Variants in ZNF280D observed in about 807,000 individuals in gnomAD.
ZNF280D encodes suppressor of hairy wing homolog 4.
Under a neutral mutation model 94.7 loss-of-function variants are expected in ZNF280D, and 39 were observed. The observed-to-expected ratio is 0.41, with a 90% CI of 0.32 to 0.54. The LOEUF (loss-of-function observed/expected upper bound fraction) is 0.54, where lower values mean the gene tolerates loss of function less well. Among genes scored for constraint, ZNF280D ranks in the 20% least tolerant of loss-of-function variants. ZNF280D has a pLI of 0.22. For synonymous variants in ZNF280D, 398 were observed against 377.6 expected (o/e 1.05, Z -0.63); for missense variants, 1,090 against 1,149.3 (o/e 0.95, Z 0.75).
At chr15:56,709,855 T>C (rs367901149) in intron 1 of ZNF280D, among the ~76,000 whole-genome samples, 2 of 151,988 alleles carry the variant, frequency 1.3e-5, no homozygotes, top group Non-Finnish European at 2.9e-5. Context: ...CCGGGGCCTG[T>C]CGTTGGGTGG....
intron 19 of ZNF280D, chr15:56,652,521 G>A (rs1327035196): frequency 1.9e-6 from 1 of 513,046 alleles, no homozygotes; most frequent in Non-Finnish European, 2.5e-6. Flanking sequence ...AAGGATAATA[G>A]TATAAAAAGT....
intron 2 of ZNF280D, 23 bp downstream of exon 2, chr15:56,707,240 G>T: frequency 6.4e-7 from 1 of 1,569,368 alleles, no homozygotes. Context: ...ATTATTGGAT[G>T]TAAGGTTAAC....
intron 20 of ZNF280D, among the ~76,000 whole-genome samples, chr15:56,637,414 C>G (rs368297822): frequency 6.6e-6 from 1 of 151,892 alleles, no homozygotes; most frequent in Non-Finnish European, 1.5e-5. Flanking sequence ...CTCCCAGCCT[C>G]AAGGGATCCT....
chr15:56,655,238 C>T (rs775959167), intron 17 of ZNF280D, among the ~76,000 whole-genome samples: 4 of 152,212 alleles, frequency 2.6e-5, no homozygotes, highest in Non-Finnish European at 5.9e-5. Context: ...TAGGGAGTCT[C>T]ACTCTGTCAC....
At chr15:56,666,321 T>C in intron 16 of ZNF280D, 74 bp downstream of exon 16, 6 of 1,533,082 alleles carry the variant, frequency 3.9e-6, no homozygotes, top group Non-Finnish European at 4.4e-6. Flanking sequence ...TCTAATAGGA[T>C]AACTTTGTTT....
chr15:56,641,184 A>G (rs994579263), intron 20 of ZNF280D, among the ~76,000 whole-genome samples: 1 of 151,998 alleles, frequency 6.6e-6, no homozygotes, highest in Non-Finnish European at 1.5e-5. Flanking sequence ...AAGAATATGC[A>G]TATCTCTTGC....
intron 17 of ZNF280D, 96 bp downstream of exon 17, chr15:56,658,328 T>C: frequency 3.7e-6 from 3 of 803,984 alleles, no homozygotes; most frequent in Non-Finnish European, 6.1e-6. Context: ...AATTGTATGG[T>C]ATGCTAATTC....
At position 56,662,715 on chromosome 15, in the gene ZNF280D, T is replaced by C. The variant is rs558469993; in HGVS notation, c.1994+3680A>G. The stretch of plus-strand genomic sequence containing the variant: ...TGGCGGCACCTGTAATCACAGCTAC[T>C]TGGGAGGCTGAGGCAGGAGAATTGC... On this transcript the variant is annotated intron_variant, in intron 16 of 21. Transcript: ENST00000267807. Among the ~76,000 whole-genome samples the C allele has an allele frequency of 5.3e-5, 8 of 151,498 alleles. No homozygotes were observed. The East Asian group carries it at 1.6e-3, about 29-fold the overall frequency.
At chr15:56,657,500 G>A (rs1290626523) in intron 17 of ZNF280D, among the ~76,000 whole-genome samples, 1 of 151,968 alleles carries the variant, frequency 6.6e-6, no homozygotes, top group Non-Finnish European at 1.5e-5. Context: ...GGTTTCCTCT[G>A]GACACCACCT....
chr15:56,730,219 ATCAAG>A (rs1365492932), intron 1 of ZNF280D: 2 of 152,206 alleles, frequency 1.3e-5, no homozygotes, highest in Admixed American at 6.5e-5. Flanking sequence ...CACTGATTAA[ATCAAG>A]TCATTATTTA....
intron 1 of ZNF280D, among the ~76,000 whole-genome samples, chr15:56,726,673 G>A (rs2058645024): frequency 6.6e-6 from 1 of 152,118 alleles, no homozygotes; most frequent in Non-Finnish European, 1.5e-5. Flanking sequence ...TAATACAACA[G>A]TGAAATAAAT....
chr15:56,677,331 G>A (rs1442636928), intron 12 of ZNF280D, among the ~76,000 whole-genome samples: 3 of 152,102 alleles, frequency 2.0e-5, no homozygotes, highest in Non-Finnish European at 2.9e-5. Flanking sequence ...TCTTCCCTAT[G>A]TAGCACAGTA....
intron 21 of ZNF280D, among the ~76,000 whole-genome samples, chr15:56,634,581 A>G (rs1485956078): frequency 6.6e-6 from 1 of 152,168 alleles, no homozygotes; most frequent in Non-Finnish European, 1.5e-5. Flanking sequence ...GGCAACCTAC[A>G]GTAAAATATA....
chr15:56,706,984 GT>G (rs2057443801), intron 3 of ZNF280D, 97 bp downstream of exon 3: 20 of 1,217,032 alleles, frequency 1.6e-5, no homozygotes, highest in Non-Finnish European at 2.4e-5. Flanking sequence ...AAGCATTTTT[GT>G]TTTTTAAAAA....
chr15:56,660,081 TGG>T, intron 16 of ZNF280D, among the ~76,000 whole-genome samples: 1 of 152,022 alleles, frequency 6.6e-6, no homozygotes, highest in African/African-American at 2.4e-5. Flanking sequence ...AAATTTAAGA[TGG>T]TATCACAAAA....
rs2052086731 is a variant in ZNF280D at position 56,631,787 on chromosome 15, A to C, written c.2651T>G (p.Leu884Trp). ...ARFSSKNIKD[L>W]RLASDNVSID... Reference sequence around the variant, plus strand: ...GCTTACATTATCTGATGCTAATCGCAAATCCTTAATATTCTTTGAAGAAAA... The same window carrying C: ...GCTTACATTATCTGATGCTAATCGCCAATCCTTAATATTCTTTGAAGAAAA... The change falls in exon 22 of 22, where the codon TTG becomes TGG. Residue 884 changes from leucine (L) to tryptophan (W), a missense_variant. This residue lies in a region of ZNF280D where 577 missense variants were observed against 568.8 expected (regional missense o/e 1.01). Transcript: ENST00000267807. The C allele has an allele frequency of 6.2e-7, 1 of 1,614,136 alleles. No individual in the cohort carries two copies. The highest frequency in any genetic ancestry group is 8.5e-7 in the Non-Finnish European group (1 of 1,180,006).
chr15:56,714,044 A>G (rs1567027971), intron 1 of ZNF280D, among the ~76,000 whole-genome samples: 2 of 152,200 alleles, frequency 1.3e-5, no homozygotes, highest in East Asian at 1.9e-4. Flanking sequence ...TTAGCTTACT[A>G]TATTTTTTAT....
At chr15:56,672,945 G>T (rs2054967933) in intron 13 of ZNF280D, among the ~76,000 whole-genome samples, 1 of 151,600 alleles carries the variant, frequency 6.6e-6, no homozygotes, top group South Asian at 2.1e-4. Context: ...AGGCTCTTAA[G>T]ACTATTTTAC....
Position 56,704,183 on chromosome 15 carries a change from T to A in ZNF280D, c.113A>T (p.Asp38Val), listed in dbSNP as rs752786996. Residue 38 changes from aspartate (D) to valine (V), a missense_variant, in exon 4 of 22, where the codon GAT becomes GTT. This residue lies in a region of ZNF280D where 386 missense variants were observed against 372.0 expected (regional missense o/e 1.04). Transcript: ENST00000267807. ...PWQKKVKEVEDDDDDEPIFVG... is the reference protein window; with the variant it reads ...PWQKKVKEVEVDDDDEPIFVG... ...AAAGATTGGCTCATCATCATCGTCATCCTCAACTTCTTTTACTTTCTTCTG... is the reference window on the plus strand; with the variant it reads ...AAAGATTGGCTCATCATCATCGTCAACCTCAACTTCTTTTACTTTCTTCTG... 1 of 1,613,860 alleles carries A rather than the reference T, an allele frequency of 6.2e-7. No homozygotes were observed. Among genetic ancestry groups the A allele is most frequent in the South Asian group, 1.1e-5 (1 of 91,002 alleles).
Sources: gnomAD v4.1 joint callset for allele counts (sites outside exome capture counted in the v4.1 genomes callset) on GRCh38, gnomAD v4.1.1 for gene constraint, gnomAD v4.1.1 regional missense constraint, MANE v1.5 for transcripts, NCBI Gene and HGNC (gene_info 2026-07-23, HGNC 2026-07-21) for gene names.